Variants in DLGAP2 observed in about 807,000 individuals in gnomAD.
DLGAP2 encodes the protein DLG associated protein 2.
In DLGAP2, 26 loss-of-function variants were observed where a neutral mutation model predicts 100.3. The ratio of observed to expected loss-of-function variants is 0.26; its 90% CI spans 0.19 to 0.36. The LOEUF (loss-of-function observed/expected upper bound fraction) is 0.36. Ranked by LOEUF, DLGAP2 falls within the 10% of genes least tolerant of loss-of-function variation. The probability of loss-of-function intolerance (pLI) is 1.00; values close to 1 mark genes in which losing one functional copy is unlikely to be tolerated. For synonymous variants in DLGAP2, 886 were observed against 630.1 expected, an observed-to-expected ratio of 1.41 and a Z score of -6.08; for missense variants, 1,858 against 1,453.2, an observed-to-expected ratio of 1.28 and a Z score of -4.53.
intron 4 of DLGAP2, among the ~76,000 whole-genome samples, chr8:1,516,982 C>G (rs1181867699): frequency 6.6e-6 from 1 of 152,162 alleles, no homozygotes; most frequent in Non-Finnish European, 1.5e-5. Context: ...CAGCGAGAGC[C>G]TGCCAGTCCC....
chr8:1,189,842 CCAGCAGG>C (rs1797595854), intron 2 of DLGAP2, among the ~76,000 whole-genome samples: 1 of 152,144 alleles, frequency 6.6e-6, no homozygotes, highest in Non-Finnish European at 1.5e-5. Context: ...AGGGGCTGCT[CCAGCAGG>C]CAGGAGGCGG....
intron 2 of DLGAP2, among the ~76,000 whole-genome samples, chr8:1,147,391 CTA>C (rs573361282): frequency 0.011 from 1,743 of 152,138 alleles, 14 homozygotes; most frequent in Non-Finnish European, 0.014. Context: ...TTATTTAACT[CTA>C]TTTTTTCTGT....
At chr8:1,356,955 G>A (rs1439712631) in intron 3 of DLGAP2, among the ~76,000 whole-genome samples, 2 of 152,208 alleles carry the variant, frequency 1.3e-5, no homozygotes, top group Non-Finnish European at 2.9e-5. Flanking sequence ...CCCGCGAGCA[G>A]CTGCGAGGGC....
chr8:804,025 T>G (rs7827510), intron 1 of DLGAP2, among the ~76,000 whole-genome samples: 38,329 of 152,004 alleles, frequency 0.25, 5,963 homozygotes, highest in African/African-American at 0.44. Context: ...GGTGTGGATT[T>G]TAGATTTATA....
chr8:1,316,490 C>T (rs1800753455), intron 3 of DLGAP2, among the ~76,000 whole-genome samples: 1 of 129,912 alleles, frequency 7.7e-6, no homozygotes, highest in African/African-American at 2.8e-5. Flanking sequence ...TGTGCGAGTG[C>T]AGCGTCTCTC....
rs559622623 is a variant in DLGAP2, at chr8:1,317,636, C to T, written c.106+58753C>T. Among the ~76,000 whole-genome samples, 319 of 143,734 alleles carry T rather than the reference C, an allele frequency of 2.2e-3. 2 individuals are homozygous for T. Among genetic ancestry groups the T allele is most frequent in the Non-Finnish European group, 3.8e-3 (253 of 66,390 alleles). 94.3% of individuals were successfully genotyped at this position (143,734 alleles called of 152,430 possible). On this transcript the variant is annotated intron_variant, in intron 3 of 14. Coordinates refer to ENST00000637795, the MANE Select transcript of DLGAP2 (RefSeq NM_001346810.2). ...CGTCTCTCCAACAGTGGTCTACACT[C>T]GAGACACTCGGCAGCGTTTAAAAAT...
chr8:1,210,258 C>T (rs1339052711), intron 2 of DLGAP2, among the ~76,000 whole-genome samples: 1 of 152,082 alleles, frequency 6.6e-6, no homozygotes, highest in East Asian at 1.9e-4. Flanking sequence ...TGGCTTAGGG[C>T]AGGGTGATGT....
chr8:803,449 C>T (rs905761381), intron 1 of DLGAP2, among the ~76,000 whole-genome samples: 3 of 151,910 alleles, frequency 2.0e-5, no homozygotes, highest in East Asian at 3.9e-4. Context: ...GGAAAGGGAT[C>T]CTTGAGGCCA....
intron 1 of DLGAP2, among the ~76,000 whole-genome samples, chr8:782,536 G>T (rs1470655078): frequency 2.0e-5 from 3 of 152,148 alleles, no homozygotes; most frequent in African/African-American, 7.2e-5. Context: ...AATATTTGAT[G>T]AAATATGTTA....
At chr8:810,810 G>T (rs953472285) in intron 1 of DLGAP2, among the ~76,000 whole-genome samples, 4 of 152,198 alleles carry the variant, frequency 2.6e-5, no homozygotes, top group African/African-American at 9.6e-5. Flanking sequence ...CTCAATTTCT[G>T]TCTGACACAC....
intron 3 of DLGAP2, among the ~76,000 whole-genome samples, chr8:1,376,422 T>C (rs1021263123): frequency 1.3e-5 from 2 of 152,244 alleles, no homozygotes; most frequent in African/African-American, 4.8e-5. Context: ...GCATGGCCTC[T>C]GTGCCCACCT....
intron 2 of DLGAP2, among the ~76,000 whole-genome samples, chr8:919,550 T>G (rs890961710): frequency 6.6e-6 from 1 of 152,180 alleles, no homozygotes; most frequent in Non-Finnish European, 1.5e-5. Context: ...TAACATCAGG[T>G]TGGCCTTGAG....
At chr8:1,078,632 G>A (rs1223000662) in intron 2 of DLGAP2, among the ~76,000 whole-genome samples, 1 of 152,164 alleles carries the variant, frequency 6.6e-6, no homozygotes, top group Non-Finnish European at 1.5e-5. Flanking sequence ...TTCTTTTCCA[G>A]AATGTCATAG....
chr8:1,559,582 G>T (rs1802090481), intron 5 of DLGAP2, among the ~76,000 whole-genome samples: 1 of 152,110 alleles, frequency 6.6e-6, no homozygotes, highest in Non-Finnish European at 1.5e-5. Context: ...ATACAAGCTG[G>T]TCTCATTTGT....
chr8:1,619,326 T>C (rs963120532), intron 6 of DLGAP2, among the ~76,000 whole-genome samples: 1 of 152,170 alleles, frequency 6.6e-6, no homozygotes, highest in Non-Finnish European at 1.5e-5. Context: ...CAATACAACA[T>C]GCCCAAGAGG....
chr8:1,196,533 A>C (rs1486545553), intron 2 of DLGAP2, among the ~76,000 whole-genome samples: 1 of 152,200 alleles, frequency 6.6e-6, no homozygotes, highest in Admixed American at 6.5e-5. Flanking sequence ...TTTTCATAGC[A>C]TGGAGTTTCT....
At chr8:1,094,632 C>T (rs969859701) in intron 2 of DLGAP2, among the ~76,000 whole-genome samples, 2 of 152,190 alleles carry the variant, frequency 1.3e-5, no homozygotes, top group Non-Finnish European at 2.9e-5. Flanking sequence ...CAATATGAGG[C>T]TTCTTTAGGG....
chr8:1,480,220 G>C (rs1433376260), intron 3 of DLGAP2, among the ~76,000 whole-genome samples: 1 of 152,150 alleles, frequency 6.6e-6, no homozygotes, highest in Non-Finnish European at 1.5e-5. Context: ...CGTGGGGCTA[G>C]ATGTAGGTTT....
intron 4 of DLGAP2, among the ~76,000 whole-genome samples, chr8:1,514,103 G>A (rs535711849): frequency 2.0e-4 from 30 of 152,350 alleles, no homozygotes; most frequent in Middle Eastern, 3.4e-3. Context: ...ATTGGGTGGC[G>A]TCTTGTGGCC....
Sources: allele counts gnomAD v4.1 joint callset (sites outside exome capture counted in the v4.1 genomes callset), GRCh38; gene constraint gnomAD v4.1.1; transcripts MANE v1.5; gene names NCBI Gene and HGNC (gene_info 2026-07-23, HGNC 2026-07-21).